Variants in STX12 observed in about 807,000 individuals in gnomAD.
STX12 encodes the protein syntaxin-12.
In STX12, 17 loss-of-function variants were observed where a neutral mutation model predicts 42.2. The ratio of observed to expected loss-of-function variants is 0.40; its 90% CI spans 0.28 to 0.60. STX12 has a LOEUF of 0.60. Ranked by LOEUF, STX12 falls within the 20% of genes least tolerant of loss-of-function variation. The pLI is 0.39. For missense variants in STX12, 297 were observed against 330.9 expected (o/e 0.90, Z 0.79); for synonymous variants, 108 against 116.7 (o/e 0.93, Z 0.48).
intron 3 of STX12, among the ~76,000 whole-genome samples, chr1:27,794,535 A>G (rs1158716091): frequency 6.6e-6 from 1 of 151,982 alleles, no homozygotes; most frequent in Non-Finnish European, 1.5e-5. Flanking sequence ...ACTGAGATTC[A>G]TTGTTCCCTT....
chr1:27,791,551 C>T (rs1312552152), intron 2 of STX12, among the ~76,000 whole-genome samples: 1 of 152,194 alleles, frequency 6.6e-6, no homozygotes, highest in Non-Finnish European at 1.5e-5. Flanking sequence ...AGCAGTGGCT[C>T]ACGCCTGTAA....
intron 4 of STX12, among the ~76,000 whole-genome samples, chr1:27,806,821 G>A (rs1262740152): frequency 6.6e-6 from 1 of 152,106 alleles, no homozygotes; most frequent in African/African-American, 2.4e-5. Context: ...GCTAAGGGGA[G>A]GCAAGGCATG....
chr1:27,773,533 G>C (rs1332375671), intron 1 of STX12, 108 bp downstream of exon 1: 9 of 909,748 alleles, frequency 9.9e-6, no homozygotes, highest in Non-Finnish European at 1.5e-5. Context: ...GCCACACCTG[G>C]GGCTGTCTCG....
At chr1:27,815,996 T>G (rs182163784) in intron 6 of STX12, among the ~76,000 whole-genome samples, 104 of 152,014 alleles carry the variant, frequency 6.8e-4, no homozygotes, top group Middle Eastern at 3.4e-3. Flanking sequence ...GCCAATGTGG[T>G]GAAACTCTGT....
At chr1:27,819,270 TA>T (rs1193228798) in intron 7 of STX12, among the ~76,000 whole-genome samples, 488 of 114,248 alleles carry the variant, frequency 4.3e-3, no homozygotes, top group South Asian at 7.6e-3. Context: ...TCCCGTCTCT[TA>T]AAAAAAAAAA....
intron 6 of STX12, among the ~76,000 whole-genome samples, chr1:27,814,990 AGTATT>A (rs1214399072): frequency 6.6e-6 from 1 of 152,224 alleles, no homozygotes; most frequent in African/African-American, 2.4e-5. Context: ...ACAGTGTAAC[AGTATT>A]TTATATAACA....
chr1:27,796,458 G>A (rs991301878), intron 3 of STX12, among the ~76,000 whole-genome samples: 94 of 152,106 alleles, frequency 6.2e-4, no homozygotes, highest in Admixed American at 1.2e-3. Flanking sequence ...GTCGTGGCTC[G>A]CTGTATCACT....
At chr1:27,819,563 C>T in intron 7 of STX12, 87 bp from the exon 8 acceptor site, 1 of 1,156,592 alleles carries the variant, frequency 8.6e-7, no homozygotes, top group Non-Finnish European at 1.3e-6. Flanking sequence ...GTAGTGAAAC[C>T]AGGACATGTA....
intron 3 of STX12, among the ~76,000 whole-genome samples, chr1:27,800,541 G>GT (rs1264606922): frequency 6.8e-6 from 1 of 146,606 alleles, no homozygotes; most frequent in Non-Finnish European, 1.5e-5. Flanking sequence ...GTTTTGTTTT[G>GT]TTTTTTCAGA....
intron 8 of STX12, among the ~76,000 whole-genome samples, chr1:27,821,521 T>C (rs2088984302): frequency 5.3e-5 from 8 of 151,924 alleles, no homozygotes. Context: ...GTTGACGGTA[T>C]TATCTATGGG....
At chr1:27,776,997 A>G (rs906931505) in intron 1 of STX12, among the ~76,000 whole-genome samples, 3 of 152,168 alleles carry the variant, frequency 2.0e-5, no homozygotes, top group Non-Finnish European at 2.9e-5. Flanking sequence ...CTATGCAACA[A>G]ATATTCCTGG....
intron 2 of STX12, among the ~76,000 whole-genome samples, chr1:27,792,000 AATATAAATATAGT>A (rs2088744545): frequency 6.9e-6 from 1 of 145,184 alleles, no homozygotes; most frequent in Non-Finnish European, 1.5e-5. Flanking sequence ...ATATATATAT[AATATAAATATAGT>A]ATATAAATAT....
rs930498924 is a variant in STX12, at chr1:27,822,654, G to T, written c.*325G>T. 3 of 217,266 alleles carry T rather than the reference G, an allele frequency of 1.4e-5. No homozygotes were observed. The highest frequency in any genetic ancestry group is 9.6e-5 in the South Asian group (1 of 10,432). The allele number at this position is 217,266 out of a possible 1,614,324, so 13.5% of individuals were successfully genotyped here. A position where few individuals can be genotyped will look rare whatever the true frequency, so the allele number is the denominator to read the frequency against. Reference sequence around the variant, plus strand: ...TTTTGACAAATGACACTACAGTCTCGTAATATTGTCTTTTATGTATATACA... The same window carrying T: ...TTTTGACAAATGACACTACAGTCTCTTAATATTGTCTTTTATGTATATACA... On this transcript the variant is annotated 3_prime_UTR_variant, in exon 9 of 9. Transcript: ENST00000373943.
At chr1:27,798,435 A>C (rs2088801913) in intron 3 of STX12, among the ~76,000 whole-genome samples, 1 of 151,940 alleles carries the variant, frequency 6.6e-6, no homozygotes, top group South Asian at 2.1e-4. Flanking sequence ...ACCTGAGGTC[A>C]GGAGTTTGAG....
chr1:27,806,954 A>G (rs563058934), intron 4 of STX12, among the ~76,000 whole-genome samples: 4 of 152,316 alleles, frequency 2.6e-5, no homozygotes, highest in Admixed American at 1.3e-4. Flanking sequence ...CCATGATCCA[A>G]TCACTTCCCA....
rs67267768 is a variant in STX12 at position 27,812,443 on chromosome 1, GT to G, written c.576+186del. On this transcript the variant is annotated intron_variant, in intron 6 of 8. Transcript: ENST00000373943. ...TGGGTTTGAACTACCGGTTTTTTTTGTTTTTTTTTTTATCTTGGATGGAATT... is the reference window on the plus strand; with the variant it reads ...TGGGTTTGAACTACCGGTTTTTTTTGTTTTTTTTTTATCTTGGATGGAATT... Among the ~76,000 whole-genome samples, 189 of 144,568 alleles carry G rather than the reference GT, an allele frequency of 1.3e-3. 1 individual carries two copies. Among genetic ancestry groups the G allele is most frequent in the East Asian group, 4.6e-3 (23 of 4,978 alleles). 94.8% of individuals were successfully genotyped at this position (144,568 alleles called of 152,430 possible). A position where few individuals can be genotyped will look rare whatever the true frequency, so the allele number is the denominator to read the frequency against.
At chr1:27,801,548 G>A (rs936338676) in intron 3 of STX12, 130 bp from the exon 4 acceptor site, 1 of 970,278 alleles carries the variant, frequency 1.0e-6, no homozygotes. Flanking sequence ...TTAATTTAAA[G>A]AAGAGACTAT....
At chr1:27,819,607 ACAT>A in intron 7 of STX12, 40 bp from the exon 8 acceptor site, 1 of 1,562,608 alleles carries the variant, frequency 6.4e-7, no homozygotes, top group Non-Finnish European at 8.8e-7. Context: ...CAGTCTTAAA[ACAT>A]CTGAGTGTGT....
At chr1:27,792,286 A>AGATACATATATATGTATCTATATATATG in intron 2 of STX12, among the ~76,000 whole-genome samples, 1 of 116,816 alleles carries the variant, frequency 8.6e-6, no homozygotes, top group Non-Finnish European at 1.7e-5. Context: ...ATATATATGT[A>AGATACATATATATGTATCTATATATATG]GATACATATA....
Sources: allele counts gnomAD v4.1 joint callset (sites outside exome capture counted in the v4.1 genomes callset), GRCh38; gene constraint gnomAD v4.1.1; transcripts MANE v1.5; gene names NCBI Gene and HGNC (gene_info 2026-07-23, HGNC 2026-07-21).